Variants in PNPT1 observed in about 807,000 individuals in gnomAD.
PNPT1 encodes polyribonucleotide nucleotidyltransferase 1, also known as polyribonucleotide nucleotidyltransferase 1, mitochondrial.
Under a neutral mutation model 119.5 loss-of-function variants are expected in PNPT1, and 53 were observed. That is an observed-to-expected ratio of 0.44 (90% confidence interval 0.36 to 0.56). The LOEUF is 0.56. PNPT1 is among the 20% of genes least tolerant of loss of function. The pLI is 0.00. For missense variants in PNPT1, 948 were observed against 938.5 expected, an observed-to-expected ratio of 1.01 and a Z score of -0.13; for synonymous variants, 357 against 322.1, an observed-to-expected ratio of 1.11 and a Z score of -1.16.
In PNPT1 at chr2:55,693,709, A is replaced by G. The variant is rs1377433403; in HGVS notation, c.115T>C (p.Trp39Arg). Residue 39 changes from tryptophan to arginine, a missense_variant, in exon 1 of 28, where the codon TGG becomes CGG. By Grantham distance (101) the Trp-to-Arg change is moderately radical. Transcript: ENST00000447944. ...ALTQLQVRALWSSAGSRAVAV... is the reference protein window; with the variant it reads ...ALTQLQVRALRSSAGSRAVAV... ...ACAGCTCGAGACCCTGCGCTACTCCATAGTGCTCGCACTTGCAACTGGGTG... is the reference window on the plus strand; with the variant it reads ...ACAGCTCGAGACCCTGCGCTACTCCGTAGTGCTCGCACTTGCAACTGGGTG... The G allele has an allele frequency of 2.5e-6, 4 of 1,614,218 alleles. No homozygotes were observed. Among genetic ancestry groups the G allele is most frequent in the East Asian group, 4.5e-5 (2 of 44,882 alleles).
intron 8 of PNPT1, among the ~76,000 whole-genome samples, chr2:55,676,254 A>C (rs1194747095): frequency 9.3e-6 from 1 of 107,852 alleles, no homozygotes; most frequent in Non-Finnish European, 1.8e-5. Context: ...GTAAGACTCC[A>C]TCTCAACCAA....
At chr2:55,641,286 T>A (rs1387897309) in intron 25 of PNPT1, among the ~76,000 whole-genome samples, 2 of 112,386 alleles carry the variant, frequency 1.8e-5, no homozygotes, top group African/African-American at 5.9e-5. Flanking sequence ...CAAAAACATT[T>A]TTTTTTTTTT....
chr2:55,691,972 G>C (rs1697633705), intron 1 of PNPT1, among the ~76,000 whole-genome samples: 2 of 141,812 alleles, frequency 1.4e-5, no homozygotes, highest in Non-Finnish European at 3.0e-5. Context: ...TGCAACCTCT[G>C]CCTCCTGGGT....
intron 8 of PNPT1, among the ~76,000 whole-genome samples, chr2:55,675,229 C>T (rs1260581173): frequency 3.3e-5 from 5 of 151,598 alleles, no homozygotes; most frequent in East Asian, 1.9e-4. Flanking sequence ...GCCATGATCA[C>T]GCCACTATAC....
intron 9 of PNPT1, 143 bp downstream of exon 9, chr2:55,672,750 A>G (rs748362054): frequency 1.9e-5 from 14 of 722,562 alleles, no homozygotes; most frequent in Non-Finnish European, 2.2e-5. Flanking sequence ...GAGTAAGCAG[A>G]TATTTATGGG....
At chr2:55,650,343 C>G (rs1318880124) in intron 18 of PNPT1, among the ~76,000 whole-genome samples, 1 of 152,230 alleles carries the variant, frequency 6.6e-6, no homozygotes, top group Non-Finnish European at 1.5e-5. Flanking sequence ...CGGGGTTTCG[C>G]TGTGTTGGCT....
chr2:55,676,897 C>G (rs1223924069), intron 8 of PNPT1, among the ~76,000 whole-genome samples: 1 of 151,486 alleles, frequency 6.6e-6, no homozygotes, highest in East Asian at 1.9e-4. Flanking sequence ...GACTAAATGA[C>G]TAAATATTTT....
At chr2:55,672,825 G>A in intron 9 of PNPT1, 68 bp downstream of exon 9, 1 of 1,427,718 alleles carries the variant, frequency 7.0e-7, no homozygotes, top group Non-Finnish European at 9.5e-7. Context: ...TCCATGGGAA[G>A]TTTCTCTCCC....
intron 15 of PNPT1, among the ~76,000 whole-genome samples, chr2:55,657,877 A>ATGT (rs1696438183): frequency 1.4e-5 from 1 of 73,832 alleles, no homozygotes; most frequent in African/African-American, 8.5e-5. Context: ...AAAAAAAAAA[A>ATGT]AAAAAAAAAA....
At chr2:55,687,018 T>A (rs1697427718) in intron 2 of PNPT1, among the ~76,000 whole-genome samples, 1 of 151,796 alleles carries the variant, frequency 6.6e-6, no homozygotes, top group Non-Finnish European at 1.5e-5. Flanking sequence ...ATCAACACCA[T>A]CCTGGCTAAC....
rs763018631 is a variant in PNPT1, at chr2:55,688,742, AAAC to A, written c.162-1040_162-1038del. On this transcript the variant is annotated intron_variant, in intron 1 of 27. Transcript: ENST00000447944. ...TCTGTAACAAAAACAAAACAAAACA[AAAC>A]AACAACAACAACAACAACAACAAAA... 4.6e-5 allele frequency among the ~76,000 whole-genome samples: 7 copies of A among 151,956 alleles called. No individual in the cohort carries two copies. The East Asian group carries it at 5.8e-4, about 13-fold the overall frequency.
At chr2:55,683,323 A>G (rs1294985203) in intron 5 of PNPT1, among the ~76,000 whole-genome samples, 9 of 152,206 alleles carry the variant, frequency 5.9e-5, no homozygotes, top group Non-Finnish European at 1.0e-4. Context: ...TTTTAAAAGC[A>G]CTATCTTTTG....
intron 19 of PNPT1, among the ~76,000 whole-genome samples, chr2:55,646,967 A>G (rs1696023273): frequency 1.3e-5 from 2 of 151,952 alleles, no homozygotes; most frequent in South Asian, 4.1e-4. Context: ...TGCCAAGTAG[A>G]TGGGATTACA....
intron 4 of PNPT1, 132 bp downstream of exon 4, chr2:55,684,811 G>A: frequency 1.7e-6 from 2 of 1,171,652 alleles, no homozygotes; most frequent in Non-Finnish European, 2.2e-6. Context: ...GGAAGAGAAG[G>A]AGTGAATAAT....
At position 55,643,323 on chromosome 2, in the gene PNPT1, T is replaced by A; in HGVS notation, c.2009A>T (p.Asp670Val). The change falls in exon 24 of 28, where the codon GAT becomes GTT. Residue 670 changes from aspartate (D) to valine (V), a missense_variant. Transcript: ENST00000447944. Reference sequence around the variant, plus strand: ...ATTAATATGATCTATACTTACATCATCCTTGCAGATTTCAGTAATGAAGTC... The same window carrying A: ...ATTAATATGATCTATACTTACATCAACCTTGCAGATTTCAGTAATGAAGTC... ...ARDFITEICK[D>V]DQEQQLEFGA... 6.2e-7 allele frequency: 1 copy of A among 1,613,924 alleles called. No homozygotes were observed. The highest frequency in any genetic ancestry group is 8.5e-7 in the Non-Finnish European group (1 of 1,179,778).
rs372005055 is a variant in PNPT1 at position 55,647,463 on chromosome 2, G to A, written c.1496-10C>T. On this transcript the variant is annotated splice_polypyrimidine_tract_variant and intron_variant, in intron 18 of 27. Transcript: ENST00000447944. ...GATGAAATTGGAACCCCTATAATTG[G>A]GAAAAAGAACAACTGTGGGTAATGT... The A allele has an allele frequency of 1.4e-4, 219 of 1,592,370 alleles. No individual in the cohort carries two copies. Among genetic ancestry groups the A allele is most frequent in the Non-Finnish European group, 1.7e-4 (202 of 1,167,742 alleles).
chr2:55,639,044 G>C (rs1203030471), intron 26 of PNPT1, among the ~76,000 whole-genome samples: 1 of 152,004 alleles, frequency 6.6e-6, no homozygotes, highest in Non-Finnish European at 1.5e-5. Context: ...CCAAAGTGCT[G>C]GGCTTACAGG....
chr2:55,683,128 C>T (rs954499243), intron 5 of PNPT1, among the ~76,000 whole-genome samples: 10 of 152,082 alleles, frequency 6.6e-5, no homozygotes, highest in African/African-American at 1.9e-4. Flanking sequence ...AAATTAGTTA[C>T]GTTAGTTGTC....
intron 11 of PNPT1, among the ~76,000 whole-genome samples, chr2:55,670,894 T>G (rs1696891508): frequency 6.6e-6 from 1 of 152,118 alleles, no homozygotes; most frequent in Admixed American, 6.5e-5. Flanking sequence ...TTGTGAGCTA[T>G]CATTATTACA....
Sources: gnomAD v4.1 joint callset for allele counts (sites outside exome capture counted in the v4.1 genomes callset) on GRCh38, gnomAD v4.1.1 for gene constraint, MANE v1.5 for transcripts, NCBI Gene and HGNC (gene_info 2026-07-23, HGNC 2026-07-21) for gene names.